The following TRAPPC9 variants were observed in gnomAD, a reference collection of about 807,000 sequenced individuals.
The protein encoded by TRAPPC9 is IKK2 binding protein.
TRAPPC9 carries 83 observed loss-of-function variants against 124.0 expected under a neutral mutation model. The observed-to-expected ratio is 0.67, with a 90% CI of 0.56 to 0.80. The LOEUF is 0.80. TRAPPC9 is among the 30% of genes least tolerant of loss of function. The pLI is 0.00. For missense variants in TRAPPC9, 1,302 were observed against 1,508.3 expected (o/e 0.86, Z 2.27); for synonymous variants, 638 against 617.5 (o/e 1.03, Z -0.49).
intron 19 of TRAPPC9, among the ~76,000 whole-genome samples, chr8:139,974,094 A>C (rs941020936): frequency 4.6e-5 from 7 of 152,178 alleles, no homozygotes; most frequent in African/African-American, 1.7e-4. Flanking sequence ...GCGGTGAGGA[A>C]AGGAGTTTGA....
At chr8:140,329,199 T>G (rs1162787698) in intron 9 of TRAPPC9, among the ~76,000 whole-genome samples, 1 of 151,858 alleles carries the variant, frequency 6.6e-6, no homozygotes, top group African/African-American at 2.4e-5. Context: ...GAGAAACACA[T>G]CTGGAAAGAA....
chr8:139,822,561 G>C (rs550550027), intron 21 of TRAPPC9, among the ~76,000 whole-genome samples: 1 of 152,274 alleles, frequency 6.6e-6, no homozygotes, highest in South Asian at 2.1e-4. Context: ...CCTCAAGCAG[G>C]TGCTAGAGAT....
chr8:140,409,260 A>G (rs559728232), intron 5 of TRAPPC9, among the ~76,000 whole-genome samples: 107 of 152,282 alleles, frequency 7.0e-4, no homozygotes, highest in African/African-American at 2.5e-3. Flanking sequence ...AAGAGATGCC[A>G]TTTGTCACGT....
chr8:140,262,725 A>G (rs1406685960), intron 15 of TRAPPC9: 1 of 152,214 alleles, frequency 6.6e-6, no homozygotes, highest in African/African-American at 2.4e-5. Context: ...GGGTTCATGC[A>G]TTATTCATGT....
chr8:140,014,431 C>G (rs925992583), intron 18 of TRAPPC9, among the ~76,000 whole-genome samples: 6 of 152,002 alleles, frequency 3.9e-5, no homozygotes, highest in Admixed American at 3.9e-4. Flanking sequence ...GGTGGGAGAA[C>G]AGTAAAAATA....
intron 10 of TRAPPC9, among the ~76,000 whole-genome samples, chr8:140,305,349 G>A (rs2066098546): frequency 1.3e-5 from 2 of 152,110 alleles, no homozygotes; most frequent in African/African-American, 4.8e-5. Context: ...CACCCAGGTT[G>A]GAGTGCAGTG....
chr8:140,139,594 A>G (rs1319075788), intron 17 of TRAPPC9, among the ~76,000 whole-genome samples: 2 of 152,254 alleles, frequency 1.3e-5, no homozygotes, highest in Admixed American at 1.3e-4. Context: ...ACGGTAGTCC[A>G]GTGAAAAATG....
chr8:139,986,814 A>G (rs1542501), intron 19 of TRAPPC9, among the ~76,000 whole-genome samples: 46,969 of 152,136 alleles, frequency 0.31, 8,791 homozygotes, highest in East Asian at 0.5. Flanking sequence ...ACTGATGTAT[A>G]CAACATGACC....
At chr8:140,277,271 C>A (rs1181415602) in intron 14 of TRAPPC9, among the ~76,000 whole-genome samples, 2 of 152,182 alleles carry the variant, frequency 1.3e-5, no homozygotes, top group East Asian at 1.9e-4. Flanking sequence ...TGCATCCAAA[C>A]CAAATTTTGG....
chr8:140,455,556 A>G (rs2948174), intron 1 of TRAPPC9, among the ~76,000 whole-genome samples: 85,156 of 151,756 alleles, frequency 0.56, 24,057 homozygotes, highest in Non-Finnish European at 0.58. Context: ...TCAGCCTCCC[A>G]AGTAGCTGGG....
chr8:139,816,507 A>C lies in TRAPPC9; in HGVS notation c.3055+69372T>G, dbSNP rs527736505. Among the ~76,000 whole-genome samples the C allele has an allele frequency of 4.5e-3, 677 of 152,128 alleles. 3 individuals carry two copies. Among genetic ancestry groups the C allele is most frequent in the African/African-American group, 0.015 (634 of 41,500 alleles). Reference sequence around the variant, plus strand: ...GGGGGCTGCCCCCATCTCAGTATGGAGATGGGCCACAGGGGCCGACCCAGA... The same window carrying C: ...GGGGGCTGCCCCCATCTCAGTATGGCGATGGGCCACAGGGGCCGACCCAGA... On this transcript the variant is annotated intron_variant, in intron 21 of 22. Coordinates refer to ENST00000438773, the MANE Select transcript of TRAPPC9 (RefSeq NM_001160372.4).
At position 140,035,801 on chromosome 8, in the gene TRAPPC9, C is replaced by G. The variant is rs1198928144; in HGVS notation, c.2557-11722G>C. 3.9e-5 allele frequency among the ~76,000 whole-genome samples: 6 copies of G among 152,190 alleles called. No homozygotes were observed. In the East Asian group the frequency reaches 9.6e-4, roughly 24 times the overall value. ...CGGCCTGAAGAAGCGTCTTTCGATGCCTTGCTCCACGTGAGCCCACAGCCA... is the reference window on the plus strand; with the variant it reads ...CGGCCTGAAGAAGCGTCTTTCGATGGCTTGCTCCACGTGAGCCCACAGCCA... On this transcript the variant is annotated intron_variant, in intron 17 of 22. Transcript: ENST00000438773.
chr8:140,296,602 G>A (rs1295754011), intron 11 of TRAPPC9, among the ~76,000 whole-genome samples: 1 of 152,240 alleles, frequency 6.6e-6, no homozygotes, highest in African/African-American at 2.4e-5. Context: ...AAGCAGAGAG[G>A]CAGGGCCTAC....
intron 17 of TRAPPC9, among the ~76,000 whole-genome samples, chr8:140,198,308 C>T (rs2062713075): frequency 1.3e-5 from 2 of 152,176 alleles, no homozygotes; most frequent in African/African-American, 4.8e-5. Flanking sequence ...ACATTAGCCA[C>T]AAGATTAAAA....
At chr8:139,870,361 C>T (rs1168267896) in intron 21 of TRAPPC9, among the ~76,000 whole-genome samples, 4 of 152,180 alleles carry the variant, frequency 2.6e-5, no homozygotes, top group African/African-American at 9.7e-5. Flanking sequence ...TGAAGCAGGT[C>T]TTTTAAAGCA....
At chr8:140,242,692 T>C (rs182730617) in intron 16 of TRAPPC9, among the ~76,000 whole-genome samples, 3 of 152,320 alleles carry the variant, frequency 2.0e-5, no homozygotes, top group Non-Finnish European at 2.9e-5. Context: ...TGTGAAATCA[T>C]TTAGGAAAAA....
chr8:140,099,624 C>G (rs1587705904), intron 17 of TRAPPC9: 1 of 150,986 alleles, frequency 6.6e-6, no homozygotes, highest in Non-Finnish European at 1.5e-5. Flanking sequence ...AGGGTACTGA[C>G]CCCCGCCCGG....
chr8:140,236,034 T>C (rs1298600078), intron 16 of TRAPPC9, among the ~76,000 whole-genome samples: 1 of 151,102 alleles, frequency 6.6e-6, no homozygotes. Flanking sequence ...TGTGACACTT[T>C]AGGCCAAAGG....
intron 21 of TRAPPC9, among the ~76,000 whole-genome samples, chr8:139,806,875 A>C (rs1824103425): frequency 1.3e-5 from 2 of 152,140 alleles, no homozygotes; most frequent in Non-Finnish European, 2.9e-5. Context: ...CACGGGGGAG[A>C]AGCTTATAGA....
Sources: allele counts gnomAD v4.1 joint callset (sites outside exome capture counted in the v4.1 genomes callset), GRCh38; gene constraint gnomAD v4.1.1; transcripts MANE v1.5; gene names NCBI Gene and HGNC (gene_info 2026-07-23, HGNC 2026-07-21).